Variants in FBXO28 observed in about 807,000 individuals in gnomAD.
FBXO28 encodes F-box protein 28, also known as F-box only protein 28.
A neutral mutation model predicts 38.1 loss-of-function variants in FBXO28; 8 were observed. That is an observed-to-expected ratio of 0.21 (90% CI 0.12 to 0.38). FBXO28 has a LOEUF of 0.38. Ranked by LOEUF, FBXO28 falls within the 10% of genes least tolerant of loss-of-function variation. FBXO28 has a pLI of 1.00. For synonymous variants in FBXO28, 168 were observed against 173.8 expected, an observed-to-expected ratio of 0.97 and a Z score of 0.26; for missense variants, 345 against 460.6, an observed-to-expected ratio of 0.75 and a Z score of 2.30.
intron 3 of FBXO28, among the ~76,000 whole-genome samples, chr1:224,148,813 G>C (rs1657572556): frequency 6.6e-6 from 1 of 151,554 alleles, no homozygotes; most frequent in South Asian, 2.1e-4. Flanking sequence ...GTTTAGCCAG[G>C]TGTACCTTCC....
intron 3 of FBXO28, among the ~76,000 whole-genome samples, chr1:224,135,766 G>A (rs575433995): frequency 1.3e-5 from 2 of 152,192 alleles, no homozygotes; most frequent in East Asian, 3.9e-4. Flanking sequence ...GCCAGGTGCC[G>A]TGGCTCACAC....
intron 3 of FBXO28, among the ~76,000 whole-genome samples, chr1:224,147,420 CA>C (rs11405030): frequency 3.7e-4 from 52 of 139,050 alleles, no homozygotes; most frequent in Non-Finnish European, 3.9e-4. Context: ...GAGACTGTGT[CA>C]AAAAAAAAAA....
chr1:224,157,962 A>G lies in FBXO28; in HGVS notation c.*216A>G. On this transcript the variant is annotated 3_prime_UTR_variant, in exon 5 of 5. Coordinates refer to ENST00000366862, the MANE Select transcript of FBXO28 (RefSeq NM_015176.4). ...TTTACTTTGCAATAGATTTGTACTA[A>G]CCAGACCTGTTCTATCATGTTTTGA... The G allele has an allele frequency of 7.4e-7, 1 of 1,354,826 alleles. No individual in the cohort carries two copies. Among genetic ancestry groups the G allele is most frequent in the South Asian group, 2.0e-5 (1 of 50,334 alleles). 83.9% of individuals were successfully genotyped at this position (1,354,826 alleles called of 1,614,324 possible).
chr1:224,132,517 G>C (rs1402924444), intron 2 of FBXO28, among the ~76,000 whole-genome samples: 1 of 152,114 alleles, frequency 6.6e-6, no homozygotes, highest in Non-Finnish European at 1.5e-5. Flanking sequence ...CAGTTTGGCT[G>C]TTCTCAGGCC....
intron 1 of FBXO28, among the ~76,000 whole-genome samples, chr1:224,129,477 G>T (rs570261717): frequency 1.3e-5 from 2 of 152,292 alleles, no homozygotes; most frequent in African/African-American, 4.8e-5. Context: ...AACTTTGTAA[G>T]AGGTTAGACT....
chr1:224,125,642 CTT>C (rs1270361956), intron 1 of FBXO28, among the ~76,000 whole-genome samples: 4 of 140,692 alleles, frequency 2.8e-5, no homozygotes, highest in Admixed American at 7.2e-5. Context: ...TACTCATTCT[CTT>C]TTTTTTTTTT....
At position 224,154,025 on chromosome 1, in the gene FBXO28, G is replaced by C. The variant is rs568440028; in HGVS notation, c.712+688G>C. ...AGGCGGGAGGATCGTTTCAGCCCAG[G>C]AGTTCAAGGTGAAAAGTTACATACA... On this transcript the variant is annotated intron_variant, in intron 4 of 4. Coordinates refer to ENST00000366862, the MANE Select transcript of FBXO28 (RefSeq NM_015176.4). Among the ~76,000 whole-genome samples, 19 of 152,258 alleles carry C rather than the reference G, an allele frequency of 1.2e-4. No homozygotes were observed. The South Asian group carries it at 2.9e-3, about 23-fold the overall frequency.
rs1020186721 is a variant in FBXO28 at position 224,137,467 on chromosome 1, G to A, written c.516+3255G>A. Among the ~76,000 whole-genome samples the A allele has an allele frequency of 3.0e-4, 45 of 151,616 alleles. 2 individuals are homozygous for A. The highest frequency in any genetic ancestry group is 1.1e-3 in the African/African-American group (44 of 41,074). On this transcript the variant is annotated intron_variant, in intron 3 of 4. Coordinates refer to ENST00000366862, the MANE Select transcript of FBXO28 (RefSeq NM_015176.4). ...GAACCTGGGAGGCAGAGGTTGCAGT[G>A]AGCCAAGATCATGCCACTGCACTCC... is the stretch of plus-strand genomic sequence containing the variant.
chr1:224,143,771 G>A (rs990931641), intron 3 of FBXO28, among the ~76,000 whole-genome samples: 1 of 150,678 alleles, frequency 6.6e-6, no homozygotes, highest in African/African-American at 2.5e-5. Flanking sequence ...GGGAGGCGGA[G>A]CTTGCAGTGG....
intron 3 of FBXO28, among the ~76,000 whole-genome samples, chr1:224,142,775 C>G (rs1657391174): frequency 6.6e-6 from 1 of 151,946 alleles, no homozygotes; most frequent in Non-Finnish European, 1.5e-5. Context: ...ATGGTGAAAC[C>G]CTGTCTCTAC....
At chr1:224,126,006 C>T (rs1656894992) in intron 1 of FBXO28, among the ~76,000 whole-genome samples, 1 of 152,312 alleles carries the variant, frequency 6.6e-6, no homozygotes, top group South Asian at 2.1e-4. Flanking sequence ...CAGCTTGGCC[C>T]ACACATCTCA....
At chr1:224,136,426 T>C (rs1372282936) in intron 3 of FBXO28, among the ~76,000 whole-genome samples, 1 of 151,946 alleles carries the variant, frequency 6.6e-6, no homozygotes, top group East Asian at 2.0e-4. Flanking sequence ...GCTTCTGGGA[T>C]GTACTTAAAA....
intron 2 of FBXO28, among the ~76,000 whole-genome samples, chr1:224,131,487 G>A (rs373537171): frequency 1.3e-5 from 2 of 152,126 alleles, no homozygotes; most frequent in East Asian, 1.9e-4. Context: ...GTAGATCAAA[G>A]AAGCAAAAGC....
At chr1:224,117,390 A>G (rs1656666730) in intron 1 of FBXO28, among the ~76,000 whole-genome samples, 1 of 151,348 alleles carries the variant, frequency 6.6e-6, no homozygotes, top group Non-Finnish European at 1.5e-5. Flanking sequence ...CTGGTCTCGA[A>G]CTCCTGAGCT....
intron 3 of FBXO28, among the ~76,000 whole-genome samples, chr1:224,136,522 G>C (rs1401074859): frequency 6.6e-6 from 1 of 151,418 alleles, no homozygotes; most frequent in Non-Finnish European, 1.5e-5. Flanking sequence ...AGGAGGTCCA[G>C]ACCATCCTTG....
intron 1 of FBXO28, among the ~76,000 whole-genome samples, chr1:224,128,801 C>T (rs957763094): frequency 6.6e-6 from 1 of 151,840 alleles, no homozygotes; most frequent in Admixed American, 6.6e-5. Context: ...GCCTGGGCAA[C>T]ATAGACCCCC....
At chr1:224,155,157 CTTTATTT>C (rs1329004517) in intron 4 of FBXO28, among the ~76,000 whole-genome samples, 1 of 151,776 alleles carries the variant, frequency 6.6e-6, no homozygotes, top group Non-Finnish European at 1.5e-5. Flanking sequence ...CTGCCTGCTA[CTTTATTT>C]TTTATTTTTT....
rs894309365 is a variant in FBXO28, at chr1:224,162,035, G to A, written c.*4289G>A. On this transcript the variant is annotated 3_prime_UTR_variant, in exon 5 of 5. Transcript: ENST00000366862. Reference sequence around the variant, plus strand: ...CACAACAGGGTACGTAAATAAATGTGTTGTTACCAGTGCTACTTGTTTTCT... The same window carrying A: ...CACAACAGGGTACGTAAATAAATGTATTGTTACCAGTGCTACTTGTTTTCT... 2 of 152,190 alleles carry A rather than the reference G, an allele frequency of 1.3e-5. No homozygotes were observed. The highest frequency in any genetic ancestry group is 3.8e-4 in the East Asian group (2 of 5,202). 9.4% of individuals were successfully genotyped at this position (152,190 alleles called of 1,614,324 possible).
At chr1:224,140,995 C>T (rs1013318437) in intron 3 of FBXO28, among the ~76,000 whole-genome samples, 3 of 141,442 alleles carry the variant, frequency 2.1e-5, no homozygotes, top group Admixed American at 7.0e-5. Context: ...CCAGCCTGGC[C>T]AACATGGTGA....
Sources: gnomAD v4.1 joint callset for allele counts (sites outside exome capture counted in the v4.1 genomes callset) on GRCh38, gnomAD v4.1.1 for gene constraint, MANE v1.5 for transcripts, NCBI Gene and HGNC (gene_info 2026-07-23, HGNC 2026-07-21) for gene names.